The following DIP2C variants were observed in gnomAD, a reference collection of about 807,000 sequenced individuals.
DIP2C encodes the protein DIP2 acetate--CoA ligase C (putative).
A neutral mutation model predicts 192.4 loss-of-function variants in DIP2C; 33 were observed. That is an observed-to-expected ratio of 0.17 (90% CI 0.13 to 0.23). The LOEUF is 0.23. DIP2C is among the 10% of genes least tolerant of loss of function. The pLI is 1.00. For synonymous variants in DIP2C, 979 were observed against 864.1 expected (o/e 1.13, Z -2.33); for missense variants, 1,537 against 2,110.1 (o/e 0.73, Z 5.32).
intron 1 of DIP2C, among the ~76,000 whole-genome samples, chr10:523,478 G>A (rs1846854191): frequency 7.9e-6 from 1 of 126,594 alleles, no homozygotes; most frequent in Non-Finnish European, 1.7e-5. Flanking sequence ...AAGGACCCTG[G>A]AGTGAGGATG....
At chr10:339,040 C>G (rs938428424) in intron 29 of DIP2C, among the ~76,000 whole-genome samples, 14 of 152,094 alleles carry the variant, frequency 9.2e-5, no homozygotes, top group Non-Finnish European at 1.9e-4. Flanking sequence ...GCGCGGCTGC[C>G]CCCACCAAGA....
At position 276,393 on chromosome 10, in the gene DIP2C, G is replaced by T. The variant is rs1954519533; in HGVS notation, c.*932C>A. On this transcript the variant is annotated 3_prime_UTR_variant, in exon 37 of 37. Coordinates refer to ENST00000280886, the MANE Select transcript of DIP2C (RefSeq NM_014974.3). ...TATGTGAGTACGGGGGGCACACCAT[G>T]CAAGTGACAAGTTCTGCATCTTAAA... 6.6e-6 allele frequency: 1 copy of T among 152,620 alleles called. No individual in the cohort carries two copies. Among genetic ancestry groups the T allele is most frequent in the South Asian group, 2.1e-4 (1 of 4,830 alleles). The allele number at this position is 152,620 out of a possible 1,614,324, so 9.5% of individuals were successfully genotyped here. A position where few individuals can be genotyped will look rare whatever the true frequency, so the allele number is the denominator to read the frequency against.
At chr10:436,963 TCTCC>T (rs1475992316) in intron 4 of DIP2C, among the ~76,000 whole-genome samples, 2 of 130,502 alleles carry the variant, frequency 1.5e-5, no homozygotes, top group African/African-American at 6.0e-5. Context: ...ACCTGAGCTC[TCTCC>T]GAGCTCCGCC....
At chr10:602,806 G>A (rs948064800) in intron 1 of DIP2C, among the ~76,000 whole-genome samples, 7 of 152,224 alleles carry the variant, frequency 4.6e-5, no homozygotes, top group African/African-American at 1.7e-4. Context: ...GAACCAGGGT[G>A]TCGATCCTTT....
intron 1 of DIP2C, among the ~76,000 whole-genome samples, chr10:577,410 G>A (rs1034784116): frequency 8.5e-5 from 13 of 152,360 alleles, no homozygotes; most frequent in African/African-American, 2.2e-4. Flanking sequence ...CTATGTGGCC[G>A]TAACAGTTTG....
intron 1 of DIP2C, chr10:650,183 T>A (rs1409327731): frequency 4.2e-6 from 3 of 717,268 alleles, no homozygotes; most frequent in East Asian, 5.4e-5. Flanking sequence ...CTGGAGGTCC[T>A]GCGGGGTGGG....
At chr10:475,189 C>T (rs1055986494) in intron 2 of DIP2C, among the ~76,000 whole-genome samples, 4 of 152,228 alleles carry the variant, frequency 2.6e-5, no homozygotes, top group Non-Finnish European at 2.9e-5. Flanking sequence ...GAAAAGCGGC[C>T]GCCTGCTTCC....
At chr10:524,320 C>T (rs151255886) in intron 1 of DIP2C, among the ~76,000 whole-genome samples, 35 of 152,296 alleles carry the variant, frequency 2.3e-4, no homozygotes, top group African/African-American at 4.8e-4. Context: ...TCACAGGGTC[C>T]CTGCTCAGAT....
intron 5 of DIP2C, among the ~76,000 whole-genome samples, chr10:420,107 G>A (rs549281857): frequency 9.8e-5 from 15 of 152,334 alleles, no homozygotes; most frequent in South Asian, 4.1e-4. Flanking sequence ...ACAGAAGGGC[G>A]GTACTTTGTG....
chr10:614,952 G>A lies in DIP2C; in HGVS notation c.85+74542C>T, dbSNP rs561466386. Among the ~76,000 whole-genome samples, 191 of 152,314 alleles carry A rather than the reference G, an allele frequency of 1.3e-3. 1 individual carries two copies. The highest frequency in any genetic ancestry group is 2.0e-3 in the Non-Finnish European group (136 of 68,018). ...ATGGCATCACAGTTGCCTCAGCCAA[G>A]AGACAAGAGACAATGACACCCAGCT... On this transcript the variant is annotated intron_variant, in intron 1 of 36. Coordinates refer to ENST00000280886, the MANE Select transcript of DIP2C (RefSeq NM_014974.3).
At chr10:524,464 T>A (rs1186526850) in intron 1 of DIP2C, among the ~76,000 whole-genome samples, 1 of 152,202 alleles carries the variant, frequency 6.6e-6, no homozygotes, top group African/African-American at 2.4e-5. Flanking sequence ...AATATATACA[T>A]GCTTATTTTC....
rs78216595 is a variant in DIP2C at position 457,304 on chromosome 10, T to G, written c.268+15135A>C. Among the ~76,000 whole-genome samples, 603 of 152,336 alleles carry G rather than the reference T, an allele frequency of 4.0e-3. 3 individuals are homozygous for G. The highest frequency in any genetic ancestry group is 0.014 in the Middle Eastern group (4 of 294). On this transcript the variant is annotated intron_variant, in intron 3 of 36. Coordinates refer to ENST00000280886, the MANE Select transcript of DIP2C (RefSeq NM_014974.3). ...CTAACATGTTAAGATAAATGCTTAT[T>G]TCTTCAGTTTCCAAGATGTCTTCTG...
chr10:416,009 G>C, intron 6 of DIP2C, 121 bp from the exon 7 acceptor site: 1 of 1,459,388 alleles, frequency 6.9e-7, no homozygotes, highest in Non-Finnish European at 9.3e-7. Context: ...TCCTAGATGC[G>C]ATCCTGGGAA....
chr10:337,535 T>C (rs968864153), intron 29 of DIP2C, among the ~76,000 whole-genome samples: 2 of 136,762 alleles, frequency 1.5e-5, no homozygotes, highest in African/African-American at 5.6e-5. Context: ...GCGTGTGTGT[T>C]GTAGAGGCCT....
chr10:657,182 T>C, intron 1 of DIP2C, among the ~76,000 whole-genome samples: 1 of 146,000 alleles, frequency 6.8e-6, no homozygotes, highest in East Asian at 2.1e-4. Flanking sequence ...GACCTCTCCC[T>C]GGACCTGATG....
intron 31 of DIP2C, among the ~76,000 whole-genome samples, chr10:312,803 G>C (rs1182919814): frequency 6.6e-6 from 1 of 152,152 alleles, no homozygotes; most frequent in African/African-American, 2.4e-5. Context: ...ATATATTTGA[G>C]CTGAATGCAA....
At chr10:487,879 G>A (rs1201126092) in intron 1 of DIP2C, among the ~76,000 whole-genome samples, 1 of 152,148 alleles carries the variant, frequency 6.6e-6, no homozygotes, top group East Asian at 1.9e-4. Flanking sequence ...CCCAGCCGAT[G>A]CTAACTAGGT....
chr10:500,242 C>G (rs1845129894), intron 1 of DIP2C, among the ~76,000 whole-genome samples: 1 of 152,252 alleles, frequency 6.6e-6, no homozygotes, highest in African/African-American at 2.4e-5. Flanking sequence ...GAGCCAACCC[C>G]TGGCCTGTCT....
intron 1 of DIP2C, among the ~76,000 whole-genome samples, chr10:590,249 A>G (rs1851321283): frequency 6.6e-6 from 1 of 152,256 alleles, no homozygotes; most frequent in South Asian, 2.1e-4. Flanking sequence ...ATCAGGGGAC[A>G]AGAAAATGAG....
Sources: gnomAD v4.1 joint callset for allele counts (sites outside exome capture counted in the v4.1 genomes callset) on GRCh38, gnomAD v4.1.1 for gene constraint, MANE v1.5 for transcripts, NCBI Gene and HGNC (gene_info 2026-07-23, HGNC 2026-07-21) for gene names.